CDH18: variants seen among roughly 807,000 people sequenced by gnomAD.
CDH18 encodes cadherin 18.
In CDH18, 31 loss-of-function variants were observed where a neutral mutation model predicts 67.9. That is an observed-to-expected ratio of 0.46 (90% CI 0.34 to 0.62). The LOEUF (loss-of-function observed/expected upper bound fraction) is 0.62, where lower values mean the gene tolerates loss of function less well. Ranked by LOEUF, CDH18 falls within the 20% of genes least tolerant of loss-of-function variation. The pLI is 0.01. For synonymous variants in CDH18, 362 were observed against 347.2 expected (o/e 1.04, Z -0.48); for missense variants, 890 against 975.5 (o/e 0.91, Z 1.17).
intron 3 of CDH18, among the ~76,000 whole-genome samples, chr5:19,814,546 T>C (rs945389164): frequency 7.2e-5 from 11 of 152,172 alleles, no homozygotes; most frequent in Middle Eastern, 3.4e-3. Context: ...ACTACACCTA[T>C]AGTCATTTAA....
chr5:19,671,475 A>G (rs1758741220), intron 5 of CDH18, among the ~76,000 whole-genome samples: 1 of 152,262 alleles, frequency 6.6e-6, no homozygotes, highest in East Asian at 1.9e-4. Context: ...TACATTTGAT[A>G]TTAAGTTAAT....
intron 2 of CDH18, among the ~76,000 whole-genome samples, chr5:20,219,789 TA>T (rs200855630): frequency 6.6e-6 from 1 of 151,610 alleles, no homozygotes; most frequent in African/African-American, 2.4e-5. Flanking sequence ...CCCTTCATGA[TA>T]AAAAAATCCT....
chr5:19,503,353 C>T (rs1743580785), intron 10 of CDH18, among the ~76,000 whole-genome samples: 1 of 151,476 alleles, frequency 6.6e-6, no homozygotes, highest in African/African-American at 2.4e-5. Flanking sequence ...ATTGCAAACG[C>T]ATTGATTTTT....
intron 1 of CDH18, among the ~76,000 whole-genome samples, chr5:20,495,990 A>T (rs988156488): frequency 6.6e-6 from 1 of 152,134 alleles, no homozygotes; most frequent in Non-Finnish European, 1.5e-5. Flanking sequence ...TTATAAAGAG[A>T]TGATAAATAT....
intron 6 of CDH18, among the ~76,000 whole-genome samples, chr5:19,609,250 G>A (rs1748570160): frequency 2.0e-5 from 3 of 151,802 alleles, no homozygotes; most frequent in African/African-American, 7.3e-5. Context: ...GCCATAGATG[G>A]GCTGATTTGT....
At chr5:20,016,770 T>C (rs1481164542) in intron 2 of CDH18, among the ~76,000 whole-genome samples, 2 of 152,258 alleles carry the variant, frequency 1.3e-5, no homozygotes, top group East Asian at 1.9e-4. Flanking sequence ...CCTCTAGGCA[T>C]GAGTTGCCGG....
Position 19,483,299 on chromosome 5 carries a change from A to G in CDH18, c.1882+2T>C. On this transcript the variant is annotated splice_donor_variant, in intron 12 of 12. Transcript: ENST00000382275. LOFTEE classifies it high-confidence loss of function. ...GCAAACTTAGGGTTTAGAATGACTT[A>G]CCCAGGAGAATGAGAACACAGAGAA... 6.2e-7 allele frequency: 1 copy of G among 1,611,420 alleles called. No homozygotes were observed. Among genetic ancestry groups the G allele is most frequent in the East Asian group, 2.2e-5 (1 of 44,854 alleles).
At chr5:20,213,915 A>G (rs1740553673) in intron 2 of CDH18, among the ~76,000 whole-genome samples, 1 of 152,036 alleles carries the variant, frequency 6.6e-6, no homozygotes, top group Admixed American at 6.6e-5. Context: ...GAAATAGAAA[A>G]AAGGAAAGTC....
chr5:19,484,837 C>T (rs552105769), intron 11 of CDH18, among the ~76,000 whole-genome samples: 8 of 152,156 alleles, frequency 5.3e-5, no homozygotes, highest in Admixed American at 2.0e-4. Flanking sequence ...CTAACACCTG[C>T]GCTCCAAATG....
intron 1 of CDH18, among the ~76,000 whole-genome samples, chr5:20,433,892 A>G (rs1748964406): frequency 6.6e-6 from 1 of 152,080 alleles, no homozygotes; most frequent in African/African-American, 2.4e-5. Context: ...AAACGTGTAT[A>G]CTCTTGTACT....
intron 8 of CDH18, among the ~76,000 whole-genome samples, chr5:19,550,261 TTTATTA>T (rs918208026): frequency 6.6e-6 from 1 of 151,760 alleles, no homozygotes; most frequent in Non-Finnish European, 1.5e-5. Context: ...GTAAACTCTT[TTTATTA>T]TTATTATTAT....
At position 19,669,320 on chromosome 5, in the gene CDH18, T is replaced by C. The variant is rs920554548; in HGVS notation, c.643+52027A>G. ...ATATATATATTTTTTGAGATGGAGT[T>C]TCATTCTTCTTGCCCAGGCTGGAGT... On this transcript the variant is annotated intron_variant, in intron 5 of 12. Coordinates refer to ENST00000382275, the MANE Select transcript of CDH18 (RefSeq NM_004934.5). Among the ~76,000 whole-genome samples the C allele has an allele frequency of 5.3e-5, 8 of 149,818 alleles. No individual in the cohort carries two copies. In the Admixed American group the frequency reaches 5.4e-4, roughly 10 times the overall value.
chr5:20,575,383 T>A (rs1182644578), intron 1 of CDH18: 1 of 152,180 alleles, frequency 6.6e-6, no homozygotes, highest in Non-Finnish European at 1.5e-5. Context: ...AACTCAGTTT[T>A]AAAAACATGC....
chr5:19,754,965 C>T (rs115246485), intron 3 of CDH18, among the ~76,000 whole-genome samples: 6,859 of 151,912 alleles, frequency 0.045, 218 homozygotes, highest in Admixed American at 0.1. Context: ...AACTGAACAA[C>T]GATAATGACA....
At chr5:19,821,406 CAA>C (rs566178728) in intron 3 of CDH18, among the ~76,000 whole-genome samples, 21 of 93,260 alleles carry the variant, frequency 2.3e-4, no homozygotes, top group Admixed American at 3.3e-4. Context: ...AAACAAAAAA[CAA>C]AAAAAAAAAA....
intron 1 of CDH18, among the ~76,000 whole-genome samples, chr5:20,360,431 T>G (rs766026032): frequency 8.5e-5 from 13 of 152,168 alleles, no homozygotes; most frequent in African/African-American, 2.9e-4. Context: ...TATGTGAGCA[T>G]GGACTCTTGG....
At chr5:19,587,202 A>G (rs1441451319) in intron 7 of CDH18, among the ~76,000 whole-genome samples, 2 of 152,008 alleles carry the variant, frequency 1.3e-5, no homozygotes, top group Non-Finnish European at 2.9e-5. Flanking sequence ...TGAAGAAGCT[A>G]TTTAGTTTAA....
chr5:20,480,691 T>A (rs933907620), intron 1 of CDH18, among the ~76,000 whole-genome samples: 1 of 152,080 alleles, frequency 6.6e-6, no homozygotes, highest in African/African-American at 2.4e-5. Context: ...CTGGAATTAC[T>A]GCACCTGACC....
chr5:19,800,460 C>T (rs1777338646), intron 3 of CDH18, among the ~76,000 whole-genome samples: 1 of 152,104 alleles, frequency 6.6e-6, no homozygotes, highest in South Asian at 2.1e-4. Context: ...AAATTCTCCT[C>T]ATTTATCTGA....
Sources: gnomAD v4.1 joint callset for allele counts (sites outside exome capture counted in the v4.1 genomes callset) on GRCh38, gnomAD v4.1.1 for gene constraint, MANE v1.5 for transcripts, NCBI Gene and HGNC (gene_info 2026-07-23, HGNC 2026-07-21) for gene names.